The following KAT6B variants were observed in gnomAD, a reference collection of about 807,000 sequenced individuals.
The protein encoded by KAT6B is lysine acetyltransferase 6B.
A neutral mutation model predicts 187.5 loss-of-function variants in KAT6B; 10 were observed. The ratio of observed to expected loss-of-function variants is 0.05; its 90% CI spans 0.03 to 0.09. KAT6B has a LOEUF of 0.09. KAT6B is among the 10% of genes least tolerant of loss of function. The probability of loss-of-function intolerance (pLI) is 1.00; values close to 1 mark genes in which losing one functional copy is unlikely to be tolerated. For synonymous variants in KAT6B, 861 were observed against 926.8 expected (o/e 0.93, Z 1.29); for missense variants, 1,952 against 2,558.9 (o/e 0.76, Z 5.12).
chr10:74,877,122 C>A (rs1229428915), intron 3 of KAT6B, among the ~76,000 whole-genome samples: 2 of 151,810 alleles, frequency 1.3e-5, no homozygotes, highest in Non-Finnish European at 2.9e-5. Context: ...TGCGCCACCA[C>A]GCCTGGCTAA....
intron 3 of KAT6B, among the ~76,000 whole-genome samples, chr10:74,883,735 T>G (rs1845034887): frequency 6.6e-6 from 1 of 152,200 alleles, no homozygotes; most frequent in African/African-American, 2.4e-5. Flanking sequence ...AATTGAGACT[T>G]TATACCTGGA....
At chr10:74,925,995 A>C (rs1440970325) in intron 3 of KAT6B, among the ~76,000 whole-genome samples, 1 of 152,250 alleles carries the variant, frequency 6.6e-6, no homozygotes, top group African/African-American at 2.4e-5. Context: ...TGCGCAGTAC[A>C]GTGCCAATAT....
intron 13 of KAT6B, among the ~76,000 whole-genome samples, chr10:74,994,020 T>C (rs917262681): frequency 1.3e-5 from 2 of 152,212 alleles, no homozygotes; most frequent in African/African-American, 4.8e-5. Context: ...TTTGGGATTA[T>C]ATAAATATCA....
At chr10:74,986,265 T>C (rs1589757900) in intron 12 of KAT6B, among the ~76,000 whole-genome samples, 1 of 152,300 alleles carries the variant, frequency 6.6e-6, no homozygotes, top group Admixed American at 6.5e-5. Flanking sequence ...TACCAGGTAA[T>C]GACCTTAACT....
At chr10:74,907,803 T>C (rs1846884448) in intron 3 of KAT6B, among the ~76,000 whole-genome samples, 1 of 152,264 alleles carries the variant, frequency 6.6e-6, no homozygotes, top group Admixed American at 6.5e-5. Context: ...GTGCTGGGAT[T>C]ACAGGCGTGA....
intron 1 of KAT6B, among the ~76,000 whole-genome samples, chr10:74,828,237 A>G (rs1188798258): frequency 6.6e-6 from 1 of 152,154 alleles, no homozygotes; most frequent in African/African-American, 2.4e-5. Context: ...AGAGAGTGTT[A>G]GACAGAAGTT....
chr10:74,843,464 C>T lies in KAT6B; in HGVS notation c.607C>T (p.His203Tyr). Residue 203 changes from histidine to tyrosine, a missense_variant, in exon 3 of 18, where the codon CAT (histidine) becomes TAT (tyrosine). This residue lies in a region of KAT6B where 218 missense variants were observed against 282.6 expected (regional missense o/e 0.77). Coordinates refer to ENST00000287239, the MANE Select transcript of KAT6B (RefSeq NM_012330.4). Reference protein sequence around the residue: ...SSLPPVSLLPHEKDQPRADPI... With the variant: ...SSLPPVSLLPYEKDQPRADPI... ...GCTCCCACCTGTCAGCCTTCTACCC[C>T]ATGAGAAAGACCAGGTAAGCGAAGG... 1 of 1,613,626 alleles carries T rather than the reference C, an allele frequency of 6.2e-7. No homozygotes were observed. The highest frequency in any genetic ancestry group is 8.5e-7 in the Non-Finnish European group (1 of 1,180,018).
At chr10:74,979,083 T>C in intron 9 of KAT6B, 141 bp from the exon 10 acceptor site, 3 of 655,190 alleles carry the variant, frequency 4.6e-6, no homozygotes, top group Non-Finnish European at 8.2e-6. Flanking sequence ...TTCATAAGGG[T>C]CTATAGTGTT....
intron 3 of KAT6B, among the ~76,000 whole-genome samples, chr10:74,944,836 A>G (rs146918305): frequency 0.024 from 3,525 of 144,724 alleles, 79 homozygotes; most frequent in Non-Finnish European, 0.031. Flanking sequence ...AAAAAAAAGG[A>G]TATGCATATT....
intron 10 of KAT6B, among the ~76,000 whole-genome samples, chr10:74,979,636 TAA>T (rs79915119): frequency 1.4e-5 from 2 of 141,692 alleles, no homozygotes; most frequent in Non-Finnish European, 1.6e-5. Context: ...GAAACCAAAT[TAA>T]AAAAAAAAAA....
intron 3 of KAT6B, among the ~76,000 whole-genome samples, chr10:74,940,461 A>T (rs754900465): frequency 2.6e-5 from 4 of 151,376 alleles, no homozygotes; most frequent in Non-Finnish European, 4.4e-5. Flanking sequence ...TTTTTAGTAG[A>T]GATGGGGTTT....
intron 2 of KAT6B, among the ~76,000 whole-genome samples, chr10:74,840,768 T>A (rs922543347): frequency 2.0e-5 from 3 of 152,208 alleles, no homozygotes; most frequent in African/African-American, 7.2e-5. Context: ...CAATCTTGTT[T>A]AAATTGCCTC....
intron 13 of KAT6B, among the ~76,000 whole-genome samples, chr10:75,010,069 C>T (rs948704107): frequency 1.3e-5 from 2 of 152,190 alleles, no homozygotes; most frequent in African/African-American, 4.8e-5. Context: ...ACTTGTCTGG[C>T]CCCCCTCCCA....
chr10:74,832,876 G>A, intron 1 of KAT6B, among the ~76,000 whole-genome samples: 1 of 151,608 alleles, frequency 6.6e-6, no homozygotes, highest in East Asian at 2.0e-4. Flanking sequence ...TGTAATCCCA[G>A]CACTTTGGGA....
intron 3 of KAT6B, among the ~76,000 whole-genome samples, chr10:74,848,652 A>C (rs1842277046): frequency 6.6e-6 from 1 of 152,070 alleles, no homozygotes. Context: ...GGAAGCCAAA[A>C]GATTGGACAC....
chr10:74,854,298 GAGA>G (rs1842678132), intron 3 of KAT6B, among the ~76,000 whole-genome samples: 1 of 152,220 alleles, frequency 6.6e-6, no homozygotes, highest in Non-Finnish European at 1.5e-5. Flanking sequence ...GTACATGTAA[GAGA>G]AGGAGTTGTG....
chr10:74,861,306 G>A (rs1450156409), intron 3 of KAT6B, among the ~76,000 whole-genome samples: 1 of 151,854 alleles, frequency 6.6e-6, no homozygotes. Context: ...TGTCTCAAAG[G>A]TAAAAAAAAA....
rs1011707948 is a variant in KAT6B at position 74,961,965 on chromosome 10, A to G, written c.730+1887A>G. 2.6e-5 allele frequency among the ~76,000 whole-genome samples: 4 copies of G among 152,238 alleles called. No homozygotes were observed. The South Asian group carries it at 6.2e-4, about 24-fold the overall frequency. Reference sequence around the variant, plus strand: ...GAGAGAGCCAGAGGCTTTGGGGCCAAGGTATGGGTCATGGCAGAAATTCAA... The same window carrying G: ...GAGAGAGCCAGAGGCTTTGGGGCCAGGGTATGGGTCATGGCAGAAATTCAA... On this transcript the variant is annotated intron_variant, in intron 4 of 17. Coordinates refer to ENST00000287239, the MANE Select transcript of KAT6B (RefSeq NM_012330.4).
chr10:75,016,904 C>T (rs1331373036), intron 13 of KAT6B, among the ~76,000 whole-genome samples: 2 of 146,008 alleles, frequency 1.4e-5, no homozygotes, highest in Non-Finnish European at 3.0e-5. Context: ...ACTCTTGTTG[C>T]CCAGGCTGGA....
Sources: gnomAD v4.1 joint callset for allele counts (sites outside exome capture counted in the v4.1 genomes callset) on GRCh38, gnomAD v4.1.1 for gene constraint, gnomAD v4.1.1 regional missense constraint, MANE v1.5 for transcripts, NCBI Gene and HGNC (gene_info 2026-07-23, HGNC 2026-07-21) for gene names.